Variants in GRIK2 observed in about 807,000 individuals in gnomAD.
GRIK2 encodes glutamate ionotropic receptor kainate type subunit 2.
A neutral mutation model predicts 100.3 loss-of-function variants in GRIK2; 32 were observed. That is an observed-to-expected ratio of 0.32 (90% CI 0.24 to 0.43). The LOEUF (loss-of-function observed/expected upper bound fraction) is 0.43. GRIK2 is among the 20% of genes least tolerant of loss of function. The pLI, the probability that GRIK2 is intolerant of heterozygous loss-of-function variation, is 1.00. For missense variants in GRIK2, 843 were observed against 1,114.9 expected, an observed-to-expected ratio of 0.76 and a Z score of 3.47; for synonymous variants, 417 against 389.4, an observed-to-expected ratio of 1.07 and a Z score of -0.83.
Position 101,889,661 on chromosome 6 carries a change from C to A in GRIK2, c.1546C>A (p.Pro516Thr). 6.3e-7 allele frequency: 1 copy of A among 1,577,446 alleles called. No individual in the cohort carries two copies. Among genetic ancestry groups the A allele is most frequent in the Non-Finnish European group, 8.6e-7 (1 of 1,157,448 alleles). Residue 516 changes from proline (P) to threonine (T), a missense_variant, in exon 12 of 17, where the codon CCA becomes ACA. By Grantham distance (38) the Pro-to-Thr change is conservative. Transcript: ENST00000369134. ...IDHKADLAVA[P>T]LAITYVREKV... Reference sequence around the variant, plus strand: ...ACAGAAAGCTGACCTTGCAGTTGCTCCACTGGCTATTACCTATGTTCGAGA... The same window carrying A: ...ACAGAAAGCTGACCTTGCAGTTGCTACACTGGCTATTACCTATGTTCGAGA...
At chr6:101,886,570 T>G (rs933368694) in intron 11 of GRIK2, among the ~76,000 whole-genome samples, 2 of 151,986 alleles carry the variant, frequency 1.3e-5, no homozygotes, top group African/African-American at 2.4e-5. Context: ...ATAATGTAGC[T>G]GTGTTCTTTT....
chr6:101,935,654 A>G (rs1194662169), intron 14 of GRIK2, among the ~76,000 whole-genome samples: 1 of 151,944 alleles, frequency 6.6e-6, no homozygotes, highest in Non-Finnish European at 1.5e-5. Context: ...GGTTCTGAGC[A>G]AGAGCTTTGA....
intron 2 of GRIK2, among the ~76,000 whole-genome samples, chr6:101,596,543 T>C (rs1307465604): frequency 6.6e-6 from 1 of 151,690 alleles, no homozygotes; most frequent in African/African-American, 2.4e-5. Flanking sequence ...ATAAACTCTT[T>C]CTTAAAGGGT....
chr6:102,017,569 A>G (rs1582731084), intron 14 of GRIK2, among the ~76,000 whole-genome samples: 15 of 152,126 alleles, frequency 9.9e-5, no homozygotes, highest in Admixed American at 9.8e-4. Flanking sequence ...GATATCTGAC[A>G]TTAACTTGAG....
chr6:101,824,298 C>G (rs1459376818), intron 10 of GRIK2, among the ~76,000 whole-genome samples: 2 of 152,068 alleles, frequency 1.3e-5, no homozygotes, highest in Non-Finnish European at 2.9e-5. Flanking sequence ...CTTGCCCTTT[C>G]CCCTAAGTTC....
intron 2 of GRIK2, among the ~76,000 whole-genome samples, chr6:101,621,529 T>A (rs1213025659): frequency 6.6e-6 from 1 of 152,126 alleles, no homozygotes; most frequent in African/African-American, 2.4e-5. Flanking sequence ...CAATGCTTAA[T>A]TTTATAGTAT....
intron 2 of GRIK2, among the ~76,000 whole-genome samples, chr6:101,401,936 C>T (rs796306586): frequency 8.5e-5 from 13 of 152,234 alleles, no homozygotes; most frequent in South Asian, 6.2e-4. Context: ...CTTGGCGTGG[C>T]TAGGCGCCGG....
At chr6:101,608,067 G>T (rs1250547301) in intron 2 of GRIK2, among the ~76,000 whole-genome samples, 1 of 151,640 alleles carries the variant, frequency 6.6e-6, no homozygotes, top group African/African-American at 2.4e-5. Flanking sequence ...TAAAATTACT[G>T]GTTAGTACTT....
intron 10 of GRIK2, among the ~76,000 whole-genome samples, chr6:101,841,583 C>T (rs1044991880): frequency 4.6e-5 from 7 of 151,990 alleles, no homozygotes; most frequent in African/African-American, 1.5e-4. Flanking sequence ...AGGCTGGTCT[C>T]GAACTCCTGA....
chr6:101,491,172 A>G (rs1233124312), intron 2 of GRIK2, among the ~76,000 whole-genome samples: 1 of 151,502 alleles, frequency 6.6e-6, no homozygotes, highest in Non-Finnish European at 1.5e-5. Context: ...AGTGGCTAAT[A>G]TGAATGAATG....
intron 2 of GRIK2, among the ~76,000 whole-genome samples, chr6:101,569,791 T>C (rs10485271): frequency 0.053 from 8,115 of 152,194 alleles, 317 homozygotes; most frequent in South Asian, 0.094. Flanking sequence ...GGAATGATTG[T>C]AATAAGGTGA....
intron 7 of GRIK2, among the ~76,000 whole-genome samples, chr6:101,716,567 G>C (rs1047073507): frequency 1.5e-5 from 2 of 135,194 alleles, no homozygotes; most frequent in Non-Finnish European, 3.1e-5. Context: ...GGCCCTTATA[G>C]GTGTTGAGCT....
chr6:101,965,193 C>T (rs753707516), intron 14 of GRIK2, among the ~76,000 whole-genome samples: 1 of 152,134 alleles, frequency 6.6e-6, no homozygotes, highest in African/African-American at 2.4e-5. Context: ...TACTATACTT[C>T]ATTATTCATT....
intron 16 of GRIK2, chr6:102,065,837 C>A (rs1010556744): frequency 6.7e-7 from 1 of 1,501,380 alleles, no homozygotes; most frequent in Non-Finnish European, 9.0e-7. Context: ...GTATTCCTCC[C>A]TATTTTGGAG....
intron 2 of GRIK2, among the ~76,000 whole-genome samples, chr6:101,458,698 G>C (rs1043537638): frequency 6.6e-6 from 1 of 152,202 alleles, no homozygotes; most frequent in Non-Finnish European, 1.5e-5. Flanking sequence ...TACTAGGACG[G>C]CAGCCTCTTC....
chr6:101,577,374 C>T (rs1336913243), intron 2 of GRIK2, among the ~76,000 whole-genome samples: 1 of 151,802 alleles, frequency 6.6e-6, no homozygotes, highest in Non-Finnish European at 1.5e-5. Context: ...TTTTAAATGA[C>T]ACAATATTTT....
At chr6:101,791,569 G>C (rs1349898712) in intron 7 of GRIK2, among the ~76,000 whole-genome samples, 1 of 151,742 alleles carries the variant, frequency 6.6e-6, no homozygotes, top group African/African-American at 2.4e-5. Flanking sequence ...TGTGGTCTGA[G>C]AGACAGTTTG....
intron 2 of GRIK2, among the ~76,000 whole-genome samples, chr6:101,558,861 A>G (rs887327711): frequency 2.6e-5 from 4 of 152,010 alleles, no homozygotes; most frequent in African/African-American, 9.7e-5. Flanking sequence ...TGAGTGCCAA[A>G]TGTGATTTTT....
chr6:101,723,898 T>C (rs1774669292), intron 7 of GRIK2, among the ~76,000 whole-genome samples: 1 of 151,960 alleles, frequency 6.6e-6, no homozygotes. Context: ...CCCTTTCTGC[T>C]TTACCTCTTC....
Sources: gnomAD v4.1 joint callset for allele counts (sites outside exome capture counted in the v4.1 genomes callset) on GRCh38, gnomAD v4.1.1 for gene constraint, MANE v1.5 for transcripts, NCBI Gene and HGNC (gene_info 2026-07-23, HGNC 2026-07-21) for gene names.